The following ANKS1B variants were observed in gnomAD, a reference collection of about 807,000 sequenced individuals.
ANKS1B encodes the protein ankyrin repeat and sterile alpha motif domain containing 1B.
ANKS1B carries 36 observed loss-of-function variants against 148.3 expected under a neutral mutation model. The observed-to-expected ratio is 0.24, with a 90% CI of 0.19 to 0.32. The LOEUF (loss-of-function observed/expected upper bound fraction) is 0.32, where lower values mean the gene tolerates loss of function less well. Ranked by LOEUF, ANKS1B falls within the 10% of genes least tolerant of loss-of-function variation. The probability of loss-of-function intolerance (pLI) is 1.00; values close to 1 mark genes in which losing one functional copy is unlikely to be tolerated. For missense variants in ANKS1B, 1,157 were observed against 1,542.6 expected (o/e 0.75, Z 4.19); for synonymous variants, 542 against 560.8 (o/e 0.97, Z 0.47).
intron 17 of ANKS1B, among the ~76,000 whole-genome samples, chr12:99,001,607 GTTAA>G (rs1440543402): frequency 6.6e-6 from 1 of 152,082 alleles, no homozygotes; most frequent in Non-Finnish European, 1.5e-5. Flanking sequence ...CCACAATCCA[GTTAA>G]TTGACACATC....
Position 98,930,262 on chromosome 12 carries a change from C to T in ANKS1B, c.2779-98126G>A, listed in dbSNP as rs186406671. On this transcript the variant is annotated intron_variant, in intron 17 of 26. Coordinates refer to ENST00000683438, the MANE Select transcript of ANKS1B (RefSeq NM_001352186.2). ...TACCACTTCATTCCTACTAAGATGGCTAAAATAAAAAAGACCATAACAAAT... is the reference window on the plus strand; with the variant it reads ...TACCACTTCATTCCTACTAAGATGGTTAAAATAAAAAAGACCATAACAAAT... Among the ~76,000 whole-genome samples the T allele has an allele frequency of 3.9e-5, 6 of 152,012 alleles. No individual in the cohort carries two copies. In the East Asian group the frequency reaches 9.6e-4, roughly 24 times the overall value.
At chr12:99,000,805 T>C (rs1403151502) in intron 17 of ANKS1B, among the ~76,000 whole-genome samples, 1 of 152,322 alleles carries the variant, frequency 6.6e-6, no homozygotes, top group Non-Finnish European at 1.5e-5. Flanking sequence ...TCTCGCATTA[T>C]GTGAAATGGA....
At chr12:99,667,049 T>TA (rs1445212301) in intron 8 of ANKS1B, among the ~76,000 whole-genome samples, 1 of 152,126 alleles carries the variant, frequency 6.6e-6, no homozygotes, top group South Asian at 2.1e-4. Context: ...TACCAAATTT[T>TA]AAAATTGAAT....
At chr12:99,854,345 AAGAC>A (rs1329151008) in intron 1 of ANKS1B, among the ~76,000 whole-genome samples, 1 of 152,184 alleles carries the variant, frequency 6.6e-6, no homozygotes, top group Non-Finnish European at 1.5e-5. Flanking sequence ...CAATCCAACA[AAGAC>A]AGAGAGAAAA....
intron 15 of ANKS1B, among the ~76,000 whole-genome samples, chr12:99,151,394 G>T (rs1183200167): frequency 6.6e-6 from 1 of 151,942 alleles, no homozygotes; most frequent in African/African-American, 2.4e-5. Context: ...CGGGTGTGGT[G>T]GTGCACACCT....
intron 8 of ANKS1B, among the ~76,000 whole-genome samples, chr12:99,734,532 G>A (rs1367359391): frequency 1.3e-5 from 2 of 151,974 alleles, no homozygotes; most frequent in African/African-American, 4.8e-5. Context: ...GATCTCAGGT[G>A]ATCCGCCCGC....
intron 15 of ANKS1B, among the ~76,000 whole-genome samples, chr12:99,137,922 T>TTC (rs1156601394): frequency 4.6e-5 from 7 of 152,160 alleles, no homozygotes; most frequent in Admixed American, 3.9e-4. Context: ...GTTACAGTGC[T>TTC]GTGAGCTTTG....
intron 11 of ANKS1B, among the ~76,000 whole-genome samples, chr12:99,439,459 TAAAC>T (rs2095514031): frequency 6.6e-6 from 1 of 151,000 alleles, no homozygotes; most frequent in African/African-American, 2.4e-5. Flanking sequence ...TTACTACAAA[TAAAC>T]AATCACAAAG....
At chr12:98,743,304 T>A (rs1318535009), downstream of ANKS1B, among the ~76,000 whole-genome samples, 1 of 152,234 alleles carries the variant, frequency 6.6e-6, no homozygotes, top group Non-Finnish European at 1.5e-5. Flanking sequence ...CATGACTTAT[T>A]AATGAACTAA....
At chr12:99,833,747 C>T (rs11110066) in intron 1 of ANKS1B, among the ~76,000 whole-genome samples, 95,180 of 152,044 alleles carry the variant, frequency 0.63, 31,489 homozygotes, top group African/African-American at 0.79. Flanking sequence ...TTAGACCTTA[C>T]AAATATTTTG....
chr12:98,789,807 T>C (rs1566532943), intron 22 of ANKS1B, among the ~76,000 whole-genome samples: 1 of 152,200 alleles, frequency 6.6e-6, no homozygotes, highest in Non-Finnish European at 1.5e-5. Context: ...CAAATGATAT[T>C]GGGGATGAAT....
chr12:99,549,970 A>G (rs1270446018), intron 9 of ANKS1B, among the ~76,000 whole-genome samples: 1 of 152,192 alleles, frequency 6.6e-6, no homozygotes, highest in African/African-American at 2.4e-5. Context: ...GCTCGGACCT[A>G]TAATTACTCC....
At chr12:99,627,405 T>C (rs1254542946) in intron 9 of ANKS1B, among the ~76,000 whole-genome samples, 2 of 152,206 alleles carry the variant, frequency 1.3e-5, no homozygotes, top group African/African-American at 2.4e-5. Context: ...TTGACAATTA[T>C]CAGTTCATTT....
intron 16 of ANKS1B, among the ~76,000 whole-genome samples, chr12:99,054,445 T>A (rs1489037146): frequency 1.3e-5 from 2 of 152,206 alleles, no homozygotes; most frequent in East Asian, 3.8e-4. Context: ...TTTTTGAGAT[T>A]CTCCCTACTC....
At chr12:99,629,513 T>A (rs2153394049) in intron 9 of ANKS1B, among the ~76,000 whole-genome samples, 1 of 152,240 alleles carries the variant, frequency 6.6e-6, no homozygotes, top group Admixed American at 6.5e-5. Flanking sequence ...TATAAACACT[T>A]AATATAAATA....
At chr12:99,439,826 CACTT>C (rs1385241888) in intron 11 of ANKS1B, among the ~76,000 whole-genome samples, 1 of 151,680 alleles carries the variant, frequency 6.6e-6, no homozygotes, top group African/African-American at 2.4e-5. Flanking sequence ...TTATAAAAAA[CACTT>C]ACATGTGTAT....
intron 12 of ANKS1B, among the ~76,000 whole-genome samples, chr12:99,290,594 C>T (rs924195607): frequency 1.3e-5 from 2 of 151,918 alleles, no homozygotes; most frequent in Non-Finnish European, 1.5e-5. Flanking sequence ...TGGATTTATC[C>T]CTGGAATGCA....
rs1732353128 is a variant in ANKS1B, at chr12:99,887,180, G to T, written c.135-61791C>A. ...GCAGCACTAATAAACGATGGGACAGGTATTAATACTGCAATGCCGCACTGT... is the reference window on the plus strand; with the variant it reads ...GCAGCACTAATAAACGATGGGACAGTTATTAATACTGCAATGCCGCACTGT... On this transcript the variant is annotated intron_variant, in intron 1 of 26. Transcript: ENST00000683438. Among the ~76,000 whole-genome samples the T allele has an allele frequency of 1.3e-5, 2 of 152,156 alleles. 1 individual carries two copies. The highest frequency in any genetic ancestry group is 4.1e-4 in the South Asian group (2 of 4,830).
intron 1 of ANKS1B, among the ~76,000 whole-genome samples, chr12:99,961,156 G>C (rs911530312): frequency 7.9e-5 from 12 of 152,154 alleles, no homozygotes; most frequent in Non-Finnish European, 1.6e-4. Flanking sequence ...TTGAACCCAG[G>C]AGGCAGAGGT....
Sources: allele counts gnomAD v4.1 joint callset (sites outside exome capture counted in the v4.1 genomes callset), GRCh38; gene constraint gnomAD v4.1.1; transcripts MANE v1.5; gene names NCBI Gene and HGNC (gene_info 2026-07-23, HGNC 2026-07-21).